HYDIN: variants seen among roughly 807,000 people sequenced by gnomAD.
HYDIN encodes axonemal central pair apparatus protein HYDIN.
Under a neutral mutation model 403.9 loss-of-function variants are expected in HYDIN, and 132 were observed. The observed-to-expected ratio is 0.33, with a 90% confidence interval of 0.28 to 0.38. The LOEUF is 0.38. Ranked by LOEUF, HYDIN falls within the 10% of genes least tolerant of loss-of-function variation. The probability of loss-of-function intolerance (pLI) is 1.00; values close to 1 mark genes in which losing one functional copy is unlikely to be tolerated. For synonymous variants in HYDIN, 1,202 were observed against 1,891.7 expected (o/e 0.64, Z 9.46); for missense variants, 2,827 against 5,009.5 (o/e 0.56, Z 13.15).
intron 76 of HYDIN, among the ~76,000 whole-genome samples, chr16:70,839,089 CTT>C (rs1249334507): frequency 3.2e-4 from 34 of 105,042 alleles, no homozygotes; most frequent in African/African-American, 1.6e-3. Context: ...ACATGACACA[CTT>C]ATAATTTAAT....
chr16:70,964,649 G>A, intron 37 of HYDIN, 79 bp downstream of exon 37: 3 of 981,678 alleles, frequency 3.1e-6, no homozygotes, highest in Non-Finnish European at 4.7e-6. Context: ...CTCAGAAACA[G>A]GTTGGTCCCA....
chr16:70,816,261 T>C (rs950395896), intron 84 of HYDIN, among the ~76,000 whole-genome samples: 1 of 152,142 alleles, frequency 6.6e-6, no homozygotes, highest in African/African-American at 2.4e-5. Context: ...TAGAATATGT[T>C]CTCAGATCAC....
At chr16:70,811,559 T>G (rs867824574) in intron 84 of HYDIN, 1 of 150,382 alleles carries the variant, frequency 6.6e-6, no homozygotes, top group Non-Finnish European at 1.5e-5. Context: ...ATTTAAAAAC[T>G]AGATAAAATA....
chr16:71,028,984 C>G (rs2080813210), intron 19 of HYDIN, among the ~76,000 whole-genome samples: 1 of 149,780 alleles, frequency 6.7e-6, no homozygotes, highest in South Asian at 2.1e-4. Context: ...TTTCAATCAT[C>G]ACAGCAATCC....
At chr16:71,230,253 C>T (rs1028170370) in intron 1 of HYDIN, among the ~76,000 whole-genome samples, 7 of 152,286 alleles carry the variant, frequency 4.6e-5, no homozygotes, top group African/African-American at 1.7e-4. Flanking sequence ...TACCATTTTC[C>T]CCGGTAAGAC....
At chr16:70,830,915 T>G (rs1173396862) in intron 80 of HYDIN, among the ~76,000 whole-genome samples, 1 of 151,966 alleles carries the variant, frequency 6.6e-6, no homozygotes, top group Non-Finnish European at 1.5e-5. Flanking sequence ...GAGTCCAGGC[T>G]GCAGATAAAG....
Position 70,970,656 on chromosome 16 carries a change from G to T in HYDIN, c.5483C>A (p.Pro1828His). The T allele has an allele frequency of 1.2e-5, 19 of 1,529,980 alleles. No individual in the cohort carries two copies. The highest frequency in any genetic ancestry group is 1.7e-5 in the Non-Finnish European group (19 of 1,106,680). The allele number at this position is 1,529,980 out of a possible 1,614,324, so 94.8% of individuals were successfully genotyped here. A position where few individuals can be genotyped will look rare whatever the true frequency, so the allele number is the denominator to read the frequency against. Residue 1828 changes from proline to histidine, a missense_variant, in exon 36 of 86, where the codon CCT (proline) becomes CAT (histidine). Transcript: ENST00000393567. ...CAGTGGCCCCAGATCCAGGACTGAAGGACTAAATTCCAGGCGTGGCTCTAG... is the reference window on the plus strand; with the variant it reads ...CAGTGGCCCCAGATCCAGGACTGAATGACTAAATTCCAGGCGTGGCTCTAG... ...QGLEPRLEFS[P>H]SVLDLGPLLL... is the part of the protein sequence containing the mutation.
intron 84 of HYDIN, chr16:70,817,126 A>G (rs1409915785): frequency 1.4e-5 from 2 of 146,856 alleles, no homozygotes; most frequent in East Asian, 2.0e-4. Context: ...ATATTACCCA[A>G]CTGAAATCAA....
chr16:70,888,748 G>C (rs1191556889), intron 58 of HYDIN, among the ~76,000 whole-genome samples: 1 of 152,128 alleles, frequency 6.6e-6, no homozygotes, highest in Admixed American at 6.5e-5. Flanking sequence ...CCCTGGCAAG[G>C]GGGTGGGGCA....
At chr16:70,918,049 C>T (rs1174596369) in intron 47 of HYDIN, among the ~76,000 whole-genome samples, 162 bp downstream of exon 47, 3 of 147,182 alleles carry the variant, frequency 2.0e-5, no homozygotes, top group Non-Finnish European at 3.0e-5. Flanking sequence ...GGGATGCTCA[C>T]ATGAGGTTTT....
chr16:70,807,885 C>T lies in HYDIN; in HGVS notation c.15061G>A (p.Ala5021Thr). 6.2e-7 allele frequency: 1 copy of T among 1,614,122 alleles called. No individual in the cohort carries two copies. Among genetic ancestry groups the T allele is most frequent in the South Asian group, 1.1e-5 (1 of 91,068 alleles). The change falls in exon 86 of 86, where the codon GCT becomes ACT. Residue 5021 changes from alanine to threonine, a missense_variant. Physicochemically the swap from Ala to Thr is moderately conservative, Grantham distance 58. Coordinates refer to ENST00000393567, the MANE Select transcript of HYDIN (RefSeq NM_001270974.2). ...GGACCTTGGGGCTTGGGAGGCAGAG[C>T]CATTCCAAAGAGGGGGATGATATAC... The part of the protein sequence containing the change: ...GEYIIPLFGM[A>T]LPPKPQGPFS...
chr16:71,220,108 G>A (rs575035730), intron 1 of HYDIN, among the ~76,000 whole-genome samples: 1 of 152,080 alleles, frequency 6.6e-6, no homozygotes, highest in Admixed American at 6.6e-5. Context: ...AAATCTGAGG[G>A]CTGACACATC....
chr16:71,205,632 G>C (rs764212728), intron 1 of HYDIN, among the ~76,000 whole-genome samples: 2 of 152,222 alleles, frequency 1.3e-5, no homozygotes, highest in Non-Finnish European at 2.9e-5. Flanking sequence ...TTGCCAGCCA[G>C]GGCTCAGTGT....
At position 71,080,037 on chromosome 16, in the gene HYDIN, C is replaced by T. The variant is rs369927159; in HGVS notation, c.1671-85G>A. On this transcript the variant is annotated intron_variant, in intron 12 of 85. Coordinates refer to ENST00000393567, the MANE Select transcript of HYDIN (RefSeq NM_001270974.2). ...TCAGGAAGTAGGGCAAGGATAAGTA[C>T]AAAAACCATACCTTGACTTTATGTC... 1.5e-3 allele frequency: 935 copies of T among 625,072 alleles called. 5 individuals carry two copies. The African/African-American group carries it at 0.015, about 10-fold the overall frequency. 38.7% of individuals were successfully genotyped at this position (625,072 alleles called of 1,614,324 possible).
At chr16:70,971,082 C>G (rs1049899846) in intron 35 of HYDIN, among the ~76,000 whole-genome samples, 79 of 152,302 alleles carry the variant, frequency 5.2e-4, no homozygotes, top group Admixed American at 2.7e-3. Flanking sequence ...GCTCAGACTT[C>G]CAGCTGCCAC....
intron 13 of HYDIN, among the ~76,000 whole-genome samples, chr16:71,079,248 G>A (rs1164870980): frequency 6.6e-6 from 1 of 151,882 alleles, no homozygotes; most frequent in Non-Finnish European, 1.5e-5. Flanking sequence ...ATTCTCAGCC[G>A]CCATCTCTTC....
intron 13 of HYDIN, among the ~76,000 whole-genome samples, chr16:71,078,625 C>T (rs2082688169): frequency 6.6e-6 from 1 of 152,158 alleles, no homozygotes; most frequent in Admixed American, 6.5e-5. Context: ...CTGCTTCAGC[C>T]TCTTAGGTAG....
intron 48 of HYDIN, 91 bp from the exon 49 acceptor site, chr16:70,908,525 G>C: frequency 6.7e-7 from 1 of 1,501,594 alleles, no homozygotes; most frequent in Non-Finnish European, 9.0e-7. Flanking sequence ...TGTCCTGTTG[G>C]GGTGGGCATG....
intron 10 of HYDIN, 81 bp downstream of exon 10, chr16:71,115,613 GCA>G (rs928225334): frequency 2.0e-3 from 1,442 of 722,088 alleles, no homozygotes; most frequent in South Asian, 3.5e-3. Context: ...ATGCACATGT[GCA>G]CACACACACA....
Sources: allele counts gnomAD v4.1 joint callset (sites outside exome capture counted in the v4.1 genomes callset), GRCh38; gene constraint gnomAD v4.1.1; transcripts MANE v1.5; gene names NCBI Gene and HGNC (gene_info 2026-07-23, HGNC 2026-07-21).